Variants in NDUFAF6 observed in about 807,000 individuals in gnomAD.
NDUFAF6 encodes NADH dehydrogenase (ubiquinone) complex I, assembly factor 6.
Under a neutral mutation model 40.8 loss-of-function variants are expected in NDUFAF6, and 45 were observed. The observed-to-expected ratio is 1.10, with a 90% confidence interval of 0.87 to 1.42. NDUFAF6 has a LOEUF of 1.42. NDUFAF6 is among the 40% of genes most tolerant of loss of function. The pLI is 0.00. For synonymous variants in NDUFAF6, 185 were observed against 155.9 expected (o/e 1.19, Z -1.39); for missense variants, 435 against 418.5 (o/e 1.04, Z -0.34).
chr8:94,959,539 GT>G (rs3039196), intron 1 of NDUFAF6, among the ~76,000 whole-genome samples: 2 of 145,164 alleles, frequency 1.4e-5, no homozygotes, highest in Admixed American at 6.9e-5. Context: ...TGTTTTTTTT[GT>G]TTTTTTTTTA....
intron 1 of NDUFAF6, chr8:94,930,607 T>C: frequency 6.2e-7 from 1 of 1,614,260 alleles, no homozygotes; most frequent in Non-Finnish European, 8.5e-7. Flanking sequence ...TGTCTTTCAC[T>C]GTGTTCTTTT....
chr8:94,951,406 G>A lies in NDUFAF6; in HGVS notation c.-799+5787G>A, dbSNP rs374268685. On this transcript the variant is annotated intron_variant, in intron 2 of 14. Coordinates refer to the NDUFAF6 transcript ENST00000396113. ...TCATTGTTTTAAGGCACTAAATGTT[G>A]GGGTAGTTTTTAAAGCAGCGATAAC... 37 of 152,350 alleles carry A rather than the reference G, an allele frequency of 2.4e-4. 1 individual carries two copies. The highest frequency in any genetic ancestry group is 8.9e-4 in the African/African-American group (37 of 41,570). 9.4% of individuals were successfully genotyped at this position (152,350 alleles called of 1,614,324 possible).
At chr8:94,948,048 A>C (rs1056434134) in intron 2 of NDUFAF6, among the ~76,000 whole-genome samples, 2 of 152,162 alleles carry the variant, frequency 1.3e-5, no homozygotes, top group African/African-American at 2.4e-5. Flanking sequence ...TTTTCCCAAA[A>C]CTATTGTGCA....
intron 1 of NDUFAF6, among the ~76,000 whole-genome samples, chr8:94,918,260 C>T (rs1056052020): frequency 5.3e-5 from 8 of 152,142 alleles, no homozygotes; most frequent in African/African-American, 9.7e-5. Context: ...CAGAGGGGCT[C>T]GTGTCCCCTA....
intron 2 of NDUFAF6, among the ~76,000 whole-genome samples, chr8:94,986,740 G>C (rs1825926314): frequency 6.6e-6 from 1 of 152,188 alleles, no homozygotes; most frequent in African/African-American, 2.4e-5. Flanking sequence ...TGGAAAAATA[G>C]CATATGAGCT....
downstream of NDUFAF6, among the ~76,000 whole-genome samples, chr8:95,106,137 T>C (rs1809836304): frequency 6.6e-6 from 1 of 152,018 alleles, no homozygotes; most frequent in African/African-American, 2.4e-5. Flanking sequence ...TAGCCAGGCA[T>C]GGTGGCAGGC....
At chr8:95,075,642 G>T in exon 10 of NDUFAF6, 1 of 1,288,448 alleles carries the variant, frequency 7.8e-7, no homozygotes, top group Non-Finnish European at 1.0e-6. Context: ...GGAAATTAAG[G>T]ATGCAGACAC....
upstream of NDUFAF6, among the ~76,000 whole-genome samples, chr8:94,954,953 A>G (rs1822949137): frequency 6.6e-6 from 1 of 152,188 alleles, no homozygotes; most frequent in African/African-American, 2.4e-5. Flanking sequence ...TCAGGTAATC[A>G]ATTCTGTTGC....
intron 1 of NDUFAF6, among the ~76,000 whole-genome samples, chr8:94,978,835 A>T (rs905694703): frequency 1.3e-5 from 2 of 152,198 alleles, no homozygotes; most frequent in Admixed American, 1.3e-4. Flanking sequence ...AAGTGTGGGT[A>T]ACCTAGGGAC....
At position 95,035,504 on chromosome 8, in the gene NDUFAF6, T is replaced by C. The variant is rs778879094; in HGVS notation, c.348T>C (p.Phe116=). The change falls in exon 3 of 9, where the codon TTT becomes TTC. Residue 116 remains phenylalanine (F), a synonymous_variant. Transcript: ENST00000396124. ...CAATTGGACTGATGCGAATGCAGTTTTGGAAAAAAACTGTGGAAGATATAT... is the reference window on the plus strand; with the variant it reads ...CAATTGGACTGATGCGAATGCAGTTCTGGAAAAAAACTGTGGAAGATATAT... ...EKTIGLMRMQ[F]WKKTVEDIYC... 2.5e-6 allele frequency: 4 copies of C among 1,613,758 alleles called. No individual in the cohort carries two copies. In the African/African-American group the frequency reaches 5.3e-5, roughly 22 times the overall value.
chr8:95,075,706 G>T (rs1563855497), exon 10 of NDUFAF6: 4 of 1,287,902 alleles, frequency 3.1e-6, no homozygotes, highest in Non-Finnish European at 4.0e-6. Flanking sequence ...AGCCAACTGG[G>T]AGAGAGATTT....
At position 95,041,424 on chromosome 8, in the gene NDUFAF6, T is replaced by TA. The variant is rs2131851325; in HGVS notation, c.421-145dup. 5.0e-6 allele frequency: 3 copies of TA among 602,372 alleles called. No individual in the cohort carries two copies. The South Asian group carries it at 6.1e-5, about 12-fold the overall frequency. The allele number at this position is 602,372 out of a possible 1,614,324, so 37.3% of individuals were successfully genotyped here. ...CTAGGGACATTTTCTTTTTCCCTGA[T>TA]ACTTCTTTAACATAGCTGTCTATAT... On this transcript the variant is annotated intron_variant, in intron 3 of 8. Transcript: ENST00000396124.
chr8:95,092,578 CTTTTTTTTTTTTT>C (rs528845192), intron 2 of NDUFAF6, among the ~76,000 whole-genome samples: 1 of 77,800 alleles, frequency 1.3e-5, no homozygotes, highest in Non-Finnish European at 2.2e-5. Flanking sequence ...CTCACGAAGC[CTTTTTTTTTTTTT>C]TTTTTTTTTT....
At chr8:94,906,117 G>A (rs1818376783) in intron 1 of NDUFAF6, among the ~76,000 whole-genome samples, 1 of 152,134 alleles carries the variant, frequency 6.6e-6, no homozygotes, top group African/African-American at 2.4e-5. Flanking sequence ...AACTCCAAAG[G>A]ATCGCCCTAC....
chr8:94,932,210 C>T, intron 1 of NDUFAF6: 1 of 1,305,370 alleles, frequency 7.7e-7, no homozygotes, highest in Non-Finnish European at 1.1e-6. Context: ...AACTGGTTTA[C>T]TATGTGCCAT....
At chr8:94,939,703 G>T in intron 1 of NDUFAF6, 1 of 1,101,082 alleles carries the variant, frequency 9.1e-7, no homozygotes, top group Non-Finnish European at 1.3e-6. Context: ...TGGTCAACAA[G>T]TTATCTTACG....
intron 1 of NDUFAF6, among the ~76,000 whole-genome samples, chr8:94,899,191 A>C (rs1162966976): frequency 2.0e-5 from 3 of 152,208 alleles, no homozygotes; most frequent in African/African-American, 7.2e-5. Flanking sequence ...GAGCCACTGC[A>C]CCTGGCCAAT....
intron 1 of NDUFAF6, among the ~76,000 whole-genome samples, chr8:94,905,141 A>G (rs1180896623): frequency 6.6e-6 from 1 of 152,192 alleles, no homozygotes; most frequent in Non-Finnish European, 1.5e-5. Context: ...CAGAGGTTGC[A>G]GTGAGCTGAG....
At chr8:95,085,067 G>A (rs951620044) in intron 2 of NDUFAF6, among the ~76,000 whole-genome samples, 9 of 152,164 alleles carry the variant, frequency 5.9e-5, no homozygotes, top group Non-Finnish European at 8.8e-5. Context: ...ACTGATGGCC[G>A]TTATTAATGG....
Sources: gnomAD v4.1 joint callset for allele counts (sites outside exome capture counted in the v4.1 genomes callset) on GRCh38, gnomAD v4.1.1 for gene constraint, MANE v1.5 for transcripts, NCBI Gene and HGNC (gene_info 2026-07-23, HGNC 2026-07-21) for gene names.